Variants in ZNHIT3 observed in about 807,000 individuals in gnomAD.
ZNHIT3 encodes the protein zinc finger HIT domain-containing protein 3.
Under a neutral mutation model 19.9 loss-of-function variants are expected in ZNHIT3, and 27 were observed. That is an observed-to-expected ratio of 1.36 (90% CI 1.00 to 1.87). The LOEUF is 1.87. Ranked by LOEUF, ZNHIT3 falls within the 40% of genes most tolerant of loss-of-function variation. The pLI, the probability that ZNHIT3 is intolerant of heterozygous loss-of-function variation, is 0.00. For missense variants in ZNHIT3, 215 were observed against 185.6 expected, an observed-to-expected ratio of 1.16 and a Z score of -0.92; for synonymous variants, 81 against 65.7, an observed-to-expected ratio of 1.23 and a Z score of -1.13.
At chr17:36,488,477 G>A (rs760645263) in intron 2 of ZNHIT3, among the ~76,000 whole-genome samples, 40 of 151,856 alleles carry the variant, frequency 2.6e-4, no homozygotes, top group Non-Finnish European at 1.0e-4. Flanking sequence ...CCATGGAGAC[G>A]CAGGTTGCAG....
At chr17:36,487,666 C>A (rs564707714) in intron 2 of ZNHIT3, among the ~76,000 whole-genome samples, 1 of 151,978 alleles carries the variant, frequency 6.6e-6, no homozygotes, top group Non-Finnish European at 1.5e-5. Context: ...AGGTGCGCGC[C>A]TGTAATCCCA....
chr17:36,496,331 T>C (rs2070963017), downstream of ZNHIT3: 1 of 1,613,932 alleles, frequency 6.2e-7, no homozygotes, highest in South Asian at 1.1e-5. Flanking sequence ...AAGCCTGTAA[T>C]GCTGTAGGGT....
downstream of ZNHIT3, chr17:36,497,552 C>T (rs1340832335): frequency 1.0e-5 from 10 of 983,986 alleles, no homozygotes; most frequent in African/African-American, 3.5e-5. Flanking sequence ...AATTTTTCCT[C>T]TTTTCTGTAA....
chr17:36,488,210 A>G (rs1009846417), intron 2 of ZNHIT3, among the ~76,000 whole-genome samples: 12 of 151,958 alleles, frequency 7.9e-5, no homozygotes, highest in Non-Finnish European at 1.8e-4. Flanking sequence ...ACTGTACCCA[A>G]CATCCTCATT....
chr17:36,496,351 G>C (rs1320357126), downstream of ZNHIT3: 2 of 1,614,014 alleles, frequency 1.2e-6, no homozygotes, highest in South Asian at 2.2e-5. Context: ...TGAAGGTTCA[G>C]GGCAGATGTC....
chr17:36,498,771 G>A (rs370111754), downstream of ZNHIT3: 18 of 604,342 alleles, frequency 3.0e-5, no homozygotes, highest in African/African-American at 2.6e-4. Flanking sequence ...TATGCTACTT[G>A]AAAACAAGAT....
chr17:36,486,956 G>A lies in ZNHIT3; in HGVS notation c.108G>A (p.Arg36=). 3 of 1,611,514 alleles carry A rather than the reference G, an allele frequency of 1.9e-6. No individual in the cohort carries two copies. In the East Asian group the frequency reaches 6.7e-5, roughly 36 times the overall value. The change falls in exon 2 of 5, where the codon CGG becomes CGA. Residue 36 remains arginine, a synonymous_variant. Coordinates refer to ENST00000617429, the MANE Select transcript of ZNHIT3 (RefSeq NM_004773.4). ...ACAGCTGCTCGGTAGTCTGCTTCCG[G>A]AAGCACAAAGGTGAGCCCCGTCCCC... ...RVPYCSVVCF[R]KHKEQCNPET...
Position 36,492,765 on chromosome 17 carries a change from G to C in ZNHIT3, c.119-48G>C, listed in dbSNP as rs766951215. ...TACCTTGGTAGGGAGGTGCAGCCTT[G>C]TCGCTGAAATGGAGGTAATGTGGGC... is the stretch of plus-strand genomic sequence containing the variant. On this transcript the variant is annotated intron_variant, in intron 2 of 4. Transcript: ENST00000617429. The C allele has an allele frequency of 1.9e-6, 3 of 1,563,706 alleles. No homozygotes were observed. The Admixed American group carries it at 5.1e-5, about 26-fold the overall frequency.
chr17:36,490,266 G>T (rs1359923783), intron 2 of ZNHIT3: 4 of 152,102 alleles, frequency 2.6e-5, no homozygotes, highest in Admixed American at 6.5e-5. Flanking sequence ...GACAGATAAG[G>T]ATCTAGTTTC....
At chr17:36,499,021 T>C, downstream of ZNHIT3, 1 of 1,429,026 alleles carries the variant, frequency 7.0e-7, no homozygotes, top group Non-Finnish European at 9.7e-7. Context: ...CTCGGGTCCA[T>C]CTGGTCCCCA....
intron 4 of ZNHIT3, 32 bp from the exon 5 acceptor site, chr17:36,495,191 T>C: frequency 1.3e-6 from 2 of 1,540,886 alleles, no homozygotes; most frequent in Non-Finnish European, 1.7e-6. Context: ...CCACTTGAAC[T>C]CAGACTGGCT....
chr17:36,493,836 C>T, intron 3 of ZNHIT3, 90 bp from the exon 4 acceptor site: 2 of 881,402 alleles, frequency 2.3e-6, no homozygotes, highest in Non-Finnish European at 3.8e-6. Context: ...TGTGCGTGCA[C>T]ACATTTTTAT....
chr17:36,487,457 G>GT (rs2070599051), intron 2 of ZNHIT3, among the ~76,000 whole-genome samples: 1 of 152,228 alleles, frequency 6.6e-6, no homozygotes, highest in African/African-American at 2.4e-5. Flanking sequence ...AAAGAACCAA[G>GT]TAAGTTCTGT....
At chr17:36,487,228 G>A (rs1220102846) in intron 2 of ZNHIT3, among the ~76,000 whole-genome samples, 1 of 152,086 alleles carries the variant, frequency 6.6e-6, no homozygotes, top group Admixed American at 6.6e-5. Flanking sequence ...CCTTCTGCGT[G>A]TTACTCTTTT....
At chr17:36,494,099 G>C in intron 4 of ZNHIT3, 93 bp downstream of exon 4, 1 of 949,472 alleles carries the variant, frequency 1.1e-6, no homozygotes, top group Non-Finnish European at 1.6e-6. Flanking sequence ...TCTTGAATAA[G>C]TATGGCATGT....
chr17:36,488,702 T>C (rs936946455), intron 2 of ZNHIT3, among the ~76,000 whole-genome samples: 3 of 152,244 alleles, frequency 2.0e-5, no homozygotes, highest in Non-Finnish European at 4.4e-5. Flanking sequence ...TTGTTTTTAA[T>C]TGACACATAA....
intron 4 of ZNHIT3, 42 bp from the exon 5 acceptor site, chr17:36,495,181 C>A: frequency 6.5e-7 from 1 of 1,528,850 alleles, no homozygotes; most frequent in East Asian, 2.3e-5. Context: ...CCATGTGTTT[C>A]CACTTGAACT....
At chr17:36,494,581 C>T (rs922967436) in intron 4 of ZNHIT3, among the ~76,000 whole-genome samples, 2 of 152,168 alleles carry the variant, frequency 1.3e-5, no homozygotes, top group Non-Finnish European at 2.9e-5. Context: ...TTCATTCTTC[C>T]CATTTCACAG....
At chr17:36,497,913 C>CCT (rs1340215154), downstream of ZNHIT3, 1 of 255,122 alleles carries the variant, frequency 3.9e-6, no homozygotes, top group East Asian at 8.2e-5. Context: ...ACCTCCTGCT[C>CCT]CTGACTCATC....
Sources: allele counts gnomAD v4.1 joint callset (sites outside exome capture counted in the v4.1 genomes callset), GRCh38; gene constraint gnomAD v4.1.1; transcripts MANE v1.5; gene names NCBI Gene and HGNC (gene_info 2026-07-23, HGNC 2026-07-21).